Variants in GALNT13 observed in about 807,000 individuals in gnomAD.
The protein encoded by GALNT13 is polypeptide N-acetylgalactosaminyltransferase 13.
GALNT13 carries 28 observed loss-of-function variants against 64.2 expected under a neutral mutation model. That is an observed-to-expected ratio of 0.44 (90% CI 0.32 to 0.60). The LOEUF is 0.60. Ranked by LOEUF, GALNT13 falls within the 20% of genes least tolerant of loss-of-function variation. The pLI, the probability that GALNT13 is intolerant of heterozygous loss-of-function variation, is 0.05. For missense variants in GALNT13, 577 were observed against 669.8 expected (o/e 0.86, Z 1.53); for synonymous variants, 214 against 224.6 (o/e 0.95, Z 0.42).
At chr2:153,845,380 T>C in the GALNT13 span, among the ~76,000 whole-genome samples, 16 of 152,174 alleles carry the variant, frequency 1.1e-4, no homozygotes, top group Admixed American at 7.8e-4. Context: ...GCACATCACA[T>C]GGTAAAAGCA....
chr2:153,198,219 G>A, the GALNT13 span, among the ~76,000 whole-genome samples: 1 of 152,118 alleles, frequency 6.6e-6, no homozygotes, highest in Admixed American at 6.5e-5. Context: ...TTGCTCAGTG[G>A]GTGTGTGGGA....
chr2:154,001,845 T>C (rs1470988483), intron 3 of GALNT13, among the ~76,000 whole-genome samples: 1 of 152,092 alleles, frequency 6.6e-6, no homozygotes, highest in Non-Finnish European at 1.5e-5. Flanking sequence ...CAAAGACTTG[T>C]CTGTTAGTTA....
the GALNT13 span, among the ~76,000 whole-genome samples, chr2:153,735,112 T>C: frequency 6.6e-6 from 1 of 152,140 alleles, no homozygotes; most frequent in South Asian, 2.1e-4. Flanking sequence ...TTCCATGCCT[T>C]GTTTGGAGCT....
rs1351279228 is a variant in GALNT13 at position 154,197,753 on chromosome 2, C to G, written c.312-44277C>G. Among the ~76,000 whole-genome samples the G allele has an allele frequency of 5.3e-5, 8 of 151,410 alleles. No individual in the cohort carries two copies. In the East Asian group the frequency reaches 1.6e-3, roughly 29 times the overall value. On this transcript the variant is annotated intron_variant, in intron 4 of 12. Transcript: ENST00000392825. ...AGTTAAAAAAAAAATAAAAAGAACA[C>G]TAGCCATAAATAAGCAGAAGATATG...
intron 2 of GALNT13, among the ~76,000 whole-genome samples, chr2:153,913,861 G>A (rs1448724882): frequency 6.6e-5 from 10 of 152,246 alleles, no homozygotes; most frequent in African/African-American, 2.4e-4. Flanking sequence ...TCTTTCTGAT[G>A]TTCTGGTCCC....
chr2:153,296,145 A>G, the GALNT13 span, among the ~76,000 whole-genome samples: 1 of 152,112 alleles, frequency 6.6e-6, no homozygotes, highest in African/African-American at 2.4e-5. Context: ...ACAAAACTGA[A>G]CCCTGTGATA....
chr2:153,784,243 G>A, the GALNT13 span, among the ~76,000 whole-genome samples: 1 of 152,178 alleles, frequency 6.6e-6, no homozygotes, highest in African/African-American at 2.4e-5. Context: ...TCCAGGCTGA[G>A]GTGGTCTCAT....
At chr2:153,375,195 T>C in the GALNT13 span, among the ~76,000 whole-genome samples, 4 of 152,218 alleles carry the variant, frequency 2.6e-5, no homozygotes, top group East Asian at 7.7e-4. Context: ...ATGATCCATC[T>C]GGATTTTCTT....
At chr2:153,461,065 T>C in the GALNT13 span, among the ~76,000 whole-genome samples, 1,205 of 152,258 alleles carry the variant, frequency 7.9e-3, 15 homozygotes, top group African/African-American at 0.026. Flanking sequence ...ATTTAACTCA[T>C]AATTTGCATT....
intron 4 of GALNT13, among the ~76,000 whole-genome samples, chr2:154,217,028 A>G (rs1488250610): frequency 2.0e-5 from 3 of 151,442 alleles, no homozygotes; most frequent in Non-Finnish European, 2.9e-5. Context: ...TTTGACTTCA[A>G]GTAATCCTTC....
intron 8 of GALNT13, among the ~76,000 whole-genome samples, chr2:154,295,623 T>C (rs1692879621): frequency 6.6e-6 from 1 of 152,144 alleles, no homozygotes; most frequent in Admixed American, 6.6e-5. Context: ...TTGGCCCACC[T>C]GGGCCTCCCA....
At chr2:153,644,784 A>G in the GALNT13 span, among the ~76,000 whole-genome samples, 1 of 151,970 alleles carries the variant, frequency 6.6e-6, no homozygotes, top group East Asian at 1.9e-4. Context: ...AGTGCATAAA[A>G]ATTCTAGATT....
intron 3 of GALNT13, among the ~76,000 whole-genome samples, chr2:154,122,333 C>G (rs1161919851): frequency 6.6e-6 from 1 of 151,620 alleles, no homozygotes; most frequent in African/African-American, 2.4e-5. Flanking sequence ...TGTTTTAGTA[C>G]CATTTTGTCA....
chr2:153,455,623 A>T, the GALNT13 span, among the ~76,000 whole-genome samples: 11 of 152,284 alleles, frequency 7.2e-5, no homozygotes, highest in East Asian at 2.1e-3. Flanking sequence ...CCGCAGCAGT[A>T]TCCGGGCAGG....
chr2:154,260,716 G>C (rs867353286), intron 8 of GALNT13, among the ~76,000 whole-genome samples: 1 of 152,034 alleles, frequency 6.6e-6, no homozygotes, highest in African/African-American at 2.4e-5. Context: ...AAAGAAATAA[G>C]AGGTAACAGA....
chr2:153,325,830 G>A, the GALNT13 span, among the ~76,000 whole-genome samples: 1 of 152,144 alleles, frequency 6.6e-6, no homozygotes, highest in Non-Finnish European at 1.5e-5. Flanking sequence ...TTAATCCTGA[G>A]TTCTAATTTG....
At chr2:154,084,937 AG>A (rs1463665154) in intron 3 of GALNT13, among the ~76,000 whole-genome samples, 1 of 151,930 alleles carries the variant, frequency 6.6e-6, no homozygotes, top group Non-Finnish European at 1.5e-5. Flanking sequence ...TTCCTCAGTA[AG>A]GCAATTTAAT....
At chr2:153,782,668 G>A in the GALNT13 span, among the ~76,000 whole-genome samples, 5 of 152,142 alleles carry the variant, frequency 3.3e-5, no homozygotes, top group African/African-American at 1.2e-4. Context: ...AAGACAATGT[G>A]AAGGTATAGG....
At chr2:153,664,174 C>T in the GALNT13 span, among the ~76,000 whole-genome samples, 3 of 152,274 alleles carry the variant, frequency 2.0e-5, no homozygotes, top group South Asian at 4.1e-4. Flanking sequence ...AGCCTGAGGG[C>T]ACTGCAGGAG....
Sources: allele counts gnomAD v4.1 joint callset (sites outside exome capture counted in the v4.1 genomes callset), GRCh38; gene constraint gnomAD v4.1.1; transcripts MANE v1.5; gene names NCBI Gene and HGNC (gene_info 2026-07-23, HGNC 2026-07-21).